Variants in XXYLT1 observed in about 807,000 individuals in gnomAD.
XXYLT1 encodes xyloside xylosyltransferase 1, also known as UDP-xylose:alpha-xyloside alpha-1,3-xylosyltransferase.
In XXYLT1, 20 loss-of-function variants were observed where a neutral mutation model predicts 28.9. The ratio of observed to expected loss-of-function variants is 0.69; its 90% CI spans 0.49 to 1.00. XXYLT1 has a LOEUF of 1.00. XXYLT1 is among the 50% of genes least tolerant of loss of function. The pLI, the probability that XXYLT1 is intolerant of heterozygous loss-of-function variation, is 0.00. For missense variants in XXYLT1, 542 were observed against 560.1 expected, an observed-to-expected ratio of 0.97 and a Z score of 0.33; for synonymous variants, 257 against 253.8, an observed-to-expected ratio of 1.01 and a Z score of -0.12.
chr3:195,237,982 C>T (rs1348213441), intron 1 of XXYLT1, among the ~76,000 whole-genome samples: 1 of 152,184 alleles, frequency 6.6e-6, no homozygotes, highest in Admixed American at 6.5e-5. Flanking sequence ...ACCTTCCCCA[C>T]TGCCCCATTC....
At position 195,173,448 on chromosome 3, in the gene XXYLT1, TATAA is replaced by T. The variant is rs1721510231; in HGVS notation, c.653-16871_653-16868del. Among the ~76,000 whole-genome samples, 1 of 152,214 alleles carries T rather than the reference TATAA, an allele frequency of 6.6e-6. No individual in the cohort carries two copies. The highest frequency in any genetic ancestry group is 2.4e-5 in the African/African-American group (1 of 41,448). On this transcript the variant is annotated intron_variant, in intron 2 of 3. Coordinates refer to ENST00000310380, the MANE Select transcript of XXYLT1 (RefSeq NM_152531.5). The surrounding 1 kb of genome is among the most constrained non-coding windows in gnomAD (Gnocchi z 4.3). ...CGACACTAAGTAACATTCTGGTTCA[TATAA>T]GACTGGGCGGAAGAACAGCTCCCAG...
In XXYLT1 at chr3:195,176,580, C is replaced by A. The variant is rs1046278979; in HGVS notation, c.653-19999G>T. Among the ~76,000 whole-genome samples, 3 of 152,166 alleles carry A rather than the reference C, an allele frequency of 2.0e-5. No individual in the cohort carries two copies. Among genetic ancestry groups the A allele is most frequent in the South Asian group, 4.1e-4 (2 of 4,828 alleles). ...CACTGGTATAATTTGATTAATTTATCGTGTTTATTAAGCTCCCTAGCTTCT... is the reference window on the plus strand; with the variant it reads ...CACTGGTATAATTTGATTAATTTATAGTGTTTATTAAGCTCCCTAGCTTCT... On this transcript the variant is annotated intron_variant, in intron 2 of 3. Coordinates refer to ENST00000310380, the MANE Select transcript of XXYLT1 (RefSeq NM_152531.5). The surrounding 1 kb of genome is among the most constrained non-coding windows in gnomAD (Gnocchi z 4.9).
intron 2 of XXYLT1, among the ~76,000 whole-genome samples, chr3:195,187,980 T>G (rs1722273517): frequency 6.6e-6 from 1 of 152,142 alleles, no homozygotes; most frequent in South Asian, 2.1e-4. Flanking sequence ...AGAAAGCCAC[T>G]GTGATATGAA....
chr3:195,099,957 C>T (rs779279782), intron 3 of XXYLT1, among the ~76,000 whole-genome samples: 4 of 151,646 alleles, frequency 2.6e-5, no homozygotes, highest in African/African-American at 9.7e-5. Flanking sequence ...TCACTGGGCA[C>T]AAAATGGAGG....
intron 3 of XXYLT1, among the ~76,000 whole-genome samples, chr3:195,075,661 G>A (rs2108640531): frequency 1.3e-5 from 2 of 152,304 alleles, no homozygotes; most frequent in South Asian, 4.2e-4. Flanking sequence ...GAGGAGAGCT[G>A]GGTGCCCGAG....
chr3:195,185,838 T>C (rs1722175551), intron 2 of XXYLT1, among the ~76,000 whole-genome samples: 1 of 152,154 alleles, frequency 6.6e-6, no homozygotes, highest in African/African-American at 2.4e-5. Flanking sequence ...TCCCTCTCCT[T>C]GCACAACAAG....
intron 1 of XXYLT1, among the ~76,000 whole-genome samples, chr3:195,252,719 C>CAGAGAGAGAGAGAG (rs1484813323): frequency 5.1e-5 from 7 of 138,316 alleles, no homozygotes; most frequent in African/African-American, 1.9e-4. Context: ...CACACACACA[C>CAGAGAGAGAGAGAG]ACACACACAG....
chr3:195,070,147 A>C (rs751942318), intron 3 of XXYLT1, 36 bp from the exon 4 acceptor site: 14 of 1,507,578 alleles, frequency 9.3e-6, no homozygotes, highest in African/African-American at 2.8e-5. Context: ...TCCGGTGTGC[A>C]GGGGAACCAG....
chr3:195,162,394 G>T (rs1165057393), intron 2 of XXYLT1, among the ~76,000 whole-genome samples: 1 of 152,218 alleles, frequency 6.6e-6, no homozygotes, highest in Non-Finnish European at 1.5e-5. Flanking sequence ...GGGGAGAAAG[G>T]AAACAGAGTT....
In XXYLT1 at chr3:195,180,241, C is replaced by T. The variant is rs989216500; in HGVS notation, c.653-23660G>A. Reference sequence around the variant, plus strand: ...CGCCAGATCCCCGTCTCTGCACTGACACCGGGGGTGGTGAGTGGCACACTC... The same window carrying T: ...CGCCAGATCCCCGTCTCTGCACTGATACCGGGGGTGGTGAGTGGCACACTC... On this transcript the variant is annotated intron_variant, in intron 2 of 3. Coordinates refer to ENST00000310380, the MANE Select transcript of XXYLT1 (RefSeq NM_152531.5). The surrounding 1 kb of genome is among the most constrained non-coding windows in gnomAD (Gnocchi z 5.8). The T allele has an allele frequency of 1.1e-6, 1 of 870,662 alleles. No individual in the cohort carries two copies. Among genetic ancestry groups the T allele is most frequent in the Non-Finnish European group, 1.4e-6 (1 of 725,598 alleles). The allele number at this position is 870,662 out of a possible 1,614,324, so 53.9% of individuals were successfully genotyped here. A position where few individuals can be genotyped will look rare whatever the true frequency, so the allele number is the denominator to read the frequency against.
Position 195,115,568 on chromosome 3 carries a change from C to T in XXYLT1, c.785+40881G>A, listed in dbSNP as rs1222857788. Among the ~76,000 whole-genome samples, 1 of 152,222 alleles carries T rather than the reference C, an allele frequency of 6.6e-6. No individual in the cohort carries two copies. The highest frequency in any genetic ancestry group is 1.5e-5 in the Non-Finnish European group (1 of 68,040). On this transcript the variant is annotated intron_variant, in intron 3 of 3. Coordinates refer to ENST00000310380, the MANE Select transcript of XXYLT1 (RefSeq NM_152531.5). The surrounding 1 kb of genome is among the most constrained non-coding windows in gnomAD (Gnocchi z 4.2). ...TCCCTGGTTGATAAACCCTGCCTGG[C>T]AAACCGAGCACGCGTGAAGGCCTCA...
chr3:195,176,815 C>T lies in XXYLT1; in HGVS notation c.653-20234G>A, dbSNP rs1021068707. 6.6e-6 allele frequency among the ~76,000 whole-genome samples: 1 copy of T among 152,196 alleles called. No individual in the cohort carries two copies. Among genetic ancestry groups the T allele is most frequent in the African/African-American group, 2.4e-5 (1 of 41,452 alleles). On this transcript the variant is annotated intron_variant, in intron 2 of 3. Transcript: ENST00000310380. This position sits in a 1 kb window ranked among gnomAD's most constrained non-coding sequence, Gnocchi z 4.9. ...CAAAAGTCACAGTTCCCATGGTAAC[C>T]CTCCTTACCTCACAGAGCACAGGCC...
chr3:195,211,147 A>C (rs1298122571), intron 2 of XXYLT1, among the ~76,000 whole-genome samples: 1 of 151,984 alleles, frequency 6.6e-6, no homozygotes, highest in Non-Finnish European at 1.5e-5. Flanking sequence ...TAATCCCAGC[A>C]CTCTGGGAGG....
chr3:195,242,497 A>G (rs1472571275), intron 1 of XXYLT1, among the ~76,000 whole-genome samples: 12 of 152,114 alleles, frequency 7.9e-5, no homozygotes, highest in Non-Finnish European at 1.5e-5. Flanking sequence ...TGGACACATG[A>G]GGAGTGGTTT....
rs182833878 is a variant in XXYLT1, at chr3:195,133,018, G to A, written c.785+23431C>T. Among the ~76,000 whole-genome samples the A allele has an allele frequency of 3.3e-4, 51 of 152,296 alleles. No homozygotes were observed. The highest frequency in any genetic ancestry group is 3.1e-3 in the Admixed American group (47 of 15,294). On this transcript the variant is annotated intron_variant, in intron 3 of 3. Transcript: ENST00000310380. This position sits in a 1 kb window ranked among gnomAD's most constrained non-coding sequence, Gnocchi z 4.4. ...TACATTCTGTAAACTGAATCGTCCT[G>A]CTGAGTTCTAGTGAAACAAAAGCTT...
At chr3:195,113,127 C>A (rs148233371) in intron 3 of XXYLT1, among the ~76,000 whole-genome samples, 459 of 152,348 alleles carry the variant, frequency 3.0e-3, no homozygotes, top group African/African-American at 9.8e-3. Flanking sequence ...GGAGCCCTCG[C>A]ACAGAGCCTG....
At chr3:195,207,529 C>A (rs1241927694) in intron 2 of XXYLT1, 5 of 454,234 alleles carry the variant, frequency 1.1e-5, no homozygotes, top group Non-Finnish European at 1.8e-5. Context: ...TGCTCAAATA[C>A]CACATCCTCC....
At chr3:195,175,937 T>C (rs1721644645) in intron 2 of XXYLT1, 1 of 1,383,338 alleles carries the variant, frequency 7.2e-7, no homozygotes, top group South Asian at 1.6e-5. Context: ...ATTTCAGTCA[T>C]GTTTGTTATT....
At chr3:195,246,082 G>A (rs1258849100) in intron 1 of XXYLT1, among the ~76,000 whole-genome samples, 2 of 152,128 alleles carry the variant, frequency 1.3e-5, no homozygotes, top group Admixed American at 6.5e-5. Flanking sequence ...TATTCTCTTC[G>A]CCTCCTTCTC....
Sources: allele counts gnomAD v4.1 joint callset (sites outside exome capture counted in the v4.1 genomes callset), GRCh38; gene constraint gnomAD v4.1.1; non-coding constraint Gnocchi (gnomAD v3.1); transcripts MANE v1.5; gene names NCBI Gene and HGNC (gene_info 2026-07-23, HGNC 2026-07-21).